MDGA2: variants seen among roughly 807,000 people sequenced by gnomAD.
The protein encoded by MDGA2 is MAM domain containing glycosylphosphatidylinositol anchor 2.
A neutral mutation model predicts 117.8 loss-of-function variants in MDGA2; 40 were observed. That is an observed-to-expected ratio of 0.34 (90% CI 0.26 to 0.44). The LOEUF (loss-of-function observed/expected upper bound fraction) is 0.44, where lower values mean the gene tolerates loss of function less well. Ranked by LOEUF, MDGA2 falls within the 20% of genes least tolerant of loss-of-function variation. The pLI is 1.00. For synonymous variants in MDGA2, 452 were observed against 439.0 expected, an observed-to-expected ratio of 1.03 and a Z score of -0.37; for missense variants, 1,123 against 1,250.6, an observed-to-expected ratio of 0.90 and a Z score of 1.54.
rs115731525 is a variant in MDGA2, at chr14:47,342,418, G to T, written c.281-40868C>A. On this transcript the variant is annotated intron_variant, in intron 1 of 16. Coordinates refer to ENST00000399232, the MANE Select transcript of MDGA2 (RefSeq NM_001113498.3). ...CCACTCTACAGATGAGAAAACAGAG[G>T]TTCATAGCTAGTGAATGGTGGAACT... 7.4e-3 allele frequency among the ~76,000 whole-genome samples: 1,116 copies of T among 151,610 alleles called. 15 individuals carry two copies. Among genetic ancestry groups the T allele is most frequent in the African/African-American group, 0.026 (1,070 of 41,328 alleles).
chr14:46,873,621 C>T, intron 13 of MDGA2, 30 bp from the exon 14 acceptor site: 2 of 1,580,234 alleles, frequency 1.3e-6, no homozygotes, highest in Non-Finnish European at 1.7e-6. Flanking sequence ...AGTGTTTAAA[C>T]ACATTATTCT....
At chr14:47,262,807 T>G (rs760517908) in intron 2 of MDGA2, among the ~76,000 whole-genome samples, 48 of 152,200 alleles carry the variant, frequency 3.2e-4, no homozygotes, top group Admixed American at 3.9e-4. Flanking sequence ...TTAATATCAT[T>G]ATATGTGAAT....
At chr14:47,276,652 T>C (rs539297434) in intron 2 of MDGA2, among the ~76,000 whole-genome samples, 2 of 152,266 alleles carry the variant, frequency 1.3e-5, no homozygotes, top group East Asian at 1.9e-4. Context: ...AAGAAACAAA[T>C]TGTAATTCTG....
intron 2 of MDGA2, among the ~76,000 whole-genome samples, chr14:47,298,244 C>G (rs1889144839): frequency 6.6e-6 from 1 of 152,088 alleles, no homozygotes. Flanking sequence ...ATGCTCTTAA[C>G]CATTGCATCG....
At chr14:47,568,163 G>A (rs1163590509) in intron 1 of MDGA2, among the ~76,000 whole-genome samples, 3 of 152,084 alleles carry the variant, frequency 2.0e-5, no homozygotes, top group Non-Finnish European at 2.9e-5. Flanking sequence ...GGATTTTATG[G>A]AACTCATGCT....
intron 1 of MDGA2, among the ~76,000 whole-genome samples, chr14:47,533,689 C>T (rs542345139): frequency 1.6e-3 from 240 of 152,252 alleles, no homozygotes; most frequent in African/African-American, 5.3e-3. Flanking sequence ...GACTGTGTCA[C>T]GGTATCCTCC....
At chr14:46,955,460 T>A (rs754451307) in intron 9 of MDGA2, among the ~76,000 whole-genome samples, 4 of 152,100 alleles carry the variant, frequency 2.6e-5, no homozygotes, top group Non-Finnish European at 5.9e-5. Context: ...TAGTTAATTA[T>A]CTTTAACATG....
chr14:46,876,376 G>A (rs1021500853), intron 12 of MDGA2, among the ~76,000 whole-genome samples: 1 of 151,366 alleles, frequency 6.6e-6, no homozygotes, highest in Non-Finnish European at 1.5e-5. Context: ...AAGTTTATTA[G>A]AATAAAGAAT....
chr14:46,873,954 C>T, intron 13 of MDGA2, 91 bp downstream of exon 13: 1 of 1,085,718 alleles, frequency 9.2e-7, no homozygotes, highest in South Asian at 1.8e-5. Flanking sequence ...CCATAATCTT[C>T]AAATATATGG....
intron 6 of MDGA2, among the ~76,000 whole-genome samples, chr14:47,063,144 C>T (rs1035101780): frequency 6.6e-6 from 1 of 151,930 alleles, no homozygotes; most frequent in East Asian, 1.9e-4. Context: ...ACATATATAG[C>T]GATGAAATAT....
chr14:46,839,972 G>C (rs1880542112), downstream of MDGA2: 2 of 151,928 alleles, frequency 1.3e-5, no homozygotes, highest in Non-Finnish European at 2.9e-5. Context: ...ATTTCTTTCT[G>C]CAGACATTAA....
chr14:46,902,060 A>G (rs569660520), intron 10 of MDGA2, among the ~76,000 whole-genome samples: 7 of 152,198 alleles, frequency 4.6e-5, no homozygotes, highest in Non-Finnish European at 8.8e-5. Context: ...ATATAAAACC[A>G]TGACTTATTA....
At chr14:47,348,430 TG>T (rs1176105399) in intron 1 of MDGA2, among the ~76,000 whole-genome samples, 17 of 152,110 alleles carry the variant, frequency 1.1e-4, no homozygotes, top group African/African-American at 3.6e-4. Flanking sequence ...CAGGCTGGTC[TG>T]GAACTCCTGA....
At chr14:47,655,627 T>C (rs1897728177) in intron 1 of MDGA2, among the ~76,000 whole-genome samples, 1 of 151,988 alleles carries the variant, frequency 6.6e-6, no homozygotes, top group African/African-American at 2.4e-5. Flanking sequence ...GAAAGACAAA[T>C]TGATGCACAT....
At chr14:47,374,569 T>G (rs1366142067) in intron 1 of MDGA2, among the ~76,000 whole-genome samples, 1 of 152,086 alleles carries the variant, frequency 6.6e-6, no homozygotes, top group Admixed American at 6.6e-5. Flanking sequence ...CAGTACAGAG[T>G]TTGCCAAACG....
chr14:47,370,612 G>A (rs1374527211), intron 1 of MDGA2, among the ~76,000 whole-genome samples: 1 of 149,194 alleles, frequency 6.7e-6, no homozygotes, highest in Non-Finnish European at 1.5e-5. Context: ...GTAAGAATGT[G>A]TTGTTTATTG....
chr14:46,967,587 G>A (rs184547153), intron 8 of MDGA2, among the ~76,000 whole-genome samples: 101 of 152,136 alleles, frequency 6.6e-4, no homozygotes, highest in African/African-American at 2.4e-3. Context: ...AAGACAGCAT[G>A]GAAGATCTAT....
chr14:47,432,387 A>C (rs1434841090), intron 1 of MDGA2, among the ~76,000 whole-genome samples: 1 of 152,072 alleles, frequency 6.6e-6, no homozygotes, highest in Non-Finnish European at 1.5e-5. Flanking sequence ...ATATCCGCTA[A>C]ATTAGATTTA....
chr14:46,892,860 T>C (rs1271615498), intron 10 of MDGA2, among the ~76,000 whole-genome samples: 3 of 151,942 alleles, frequency 2.0e-5, no homozygotes, highest in Non-Finnish European at 1.5e-5. Context: ...AGATAACAAG[T>C]GTTGGCAAGG....
Sources: allele counts gnomAD v4.1 joint callset (sites outside exome capture counted in the v4.1 genomes callset), GRCh38; gene constraint gnomAD v4.1.1; transcripts MANE v1.5; gene names NCBI Gene and HGNC (gene_info 2026-07-23, HGNC 2026-07-21).